Variants in ZNF862 observed in about 807,000 individuals in gnomAD.
ZNF862 encodes zinc finger protein 862.
Under a neutral mutation model 91.1 loss-of-function variants are expected in ZNF862, and 64 were observed. That is an observed-to-expected ratio of 0.70 (90% CI 0.57 to 0.87). ZNF862 has a LOEUF of 0.87. Ranked by LOEUF, ZNF862 falls within the 40% of genes least tolerant of loss-of-function variation. The pLI, the probability that ZNF862 is intolerant of heterozygous loss-of-function variation, is 0.00. For synonymous variants in ZNF862, 631 were observed against 618.1 expected (o/e 1.02, Z -0.31); for missense variants, 1,459 against 1,528.0 (o/e 0.95, Z 0.75).
intron 7 of ZNF862, among the ~76,000 whole-genome samples, chr7:149,863,139 G>T (rs1228582199): frequency 6.6e-6 from 1 of 152,094 alleles, no homozygotes; most frequent in Non-Finnish European, 1.5e-5. Context: ...TTGCTTGAGG[G>T]GGAAGCTGTA....
At chr7:149,860,128 G>C in intron 6 of ZNF862, 1 of 523,550 alleles carries the variant, frequency 1.9e-6, no homozygotes, top group East Asian at 3.2e-5. Flanking sequence ...CAGGGTAGCT[G>C]TGTGGATAGG....
chr7:149,841,811 C>G, intron 1 of ZNF862: 1 of 950,036 alleles, frequency 1.1e-6, no homozygotes, highest in Non-Finnish European at 1.3e-6. Context: ...GAACATGGTT[C>G]TATTATTGCA....
At position 149,854,756 on chromosome 7, in the gene ZNF862, C is replaced by T. The variant is rs1802198418; in HGVS notation, c.1117+4418C>T. On this transcript the variant is annotated intron_variant, in intron 5 of 7. Coordinates refer to ENST00000223210, the MANE Select transcript of ZNF862 (RefSeq NM_001099220.3). ...GGGAGCACTTTCAGCCCAGGAGCTG[C>T]TCTCAGGTGCTTCCCTGTGGCCCCC... 2.0e-5 allele frequency among the ~76,000 whole-genome samples: 3 copies of T among 152,252 alleles called. No individual in the cohort carries two copies. The South Asian group carries it at 6.2e-4, about 32-fold the overall frequency.
chr7:149,846,752 TG>T (rs1801887884), intron 3 of ZNF862, among the ~76,000 whole-genome samples: 1 of 152,224 alleles, frequency 6.6e-6, no homozygotes, highest in South Asian at 2.1e-4. Flanking sequence ...CAGCCCCTAC[TG>T]TGGGAGAAGA....
Position 149,838,642 on chromosome 7 carries a change from C to CTG in ZNF862, c.24+8_24+9dup. On this transcript the variant is annotated splice_region_variant and intron_variant, in intron 1 of 7. Coordinates refer to ENST00000223210, the MANE Select transcript of ZNF862 (RefSeq NM_001099220.3). ...GCCCAGAGAGTCGGGGAAGGTAGGA[C>CTG]TGGAAGGCCCGGGGGCCGCCCGCTC... The CTG allele has an allele frequency of 1.6e-6, 2 of 1,225,842 alleles. No individual in the cohort carries two copies. Among genetic ancestry groups the CTG allele is most frequent in the East Asian group, 6.3e-5 (2 of 31,602 alleles). 75.9% of individuals were successfully genotyped at this position (1,225,842 alleles called of 1,614,324 possible).
At position 149,848,090 on chromosome 7, in the gene ZNF862, C is replaced by T; in HGVS notation, c.597C>T (p.His199=). 2.5e-6 allele frequency: 4 copies of T among 1,614,090 alleles called. No homozygotes were observed. The highest frequency in any genetic ancestry group is 3.4e-6 in the Non-Finnish European group (4 of 1,179,910). Residue 199 remains histidine (H), a synonymous_variant, in exon 4 of 8, where the codon CAC becomes CAT. Transcript: ENST00000223210. ...AATACCACGCGAAGAGCAAGGCCCACATGTTCTGTGTCAATGCCTTGGCAG... is the reference window on the plus strand; with the variant it reads ...AATACCACGCGAAGAGCAAGGCCCATATGTTCTGTGTCAATGCCTTGGCAG... ...TLKYHAKSKA[H]MFCVNALAAR...
intron 7 of ZNF862, among the ~76,000 whole-genome samples, chr7:149,863,696 C>A (rs2240363): frequency 0.49 from 74,930 of 152,014 alleles, 19,473 homozygotes; most frequent in Middle Eastern, 0.6. Context: ...CTACGCACCG[C>A]TGCCTCCTTC....
chr7:149,841,336 C>T lies in ZNF862; in HGVS notation c.24+2701C>T. The T allele has an allele frequency of 1.7e-5, 17 of 985,396 alleles. 1 individual carries two copies. Among genetic ancestry groups the T allele is most frequent in the African/African-American group, 3.5e-5 (2 of 57,356 alleles). The allele number at this position is 985,396 out of a possible 1,614,324, so 61.0% of individuals were successfully genotyped here. On this transcript the variant is annotated intron_variant, in intron 1 of 7. Transcript: ENST00000223210. ...CTTGGGCCATTGGATTGATATCCCA[C>T]ATTGAATGTAGGACATCTTGCCTGT...
intron 1 of ZNF862, among the ~76,000 whole-genome samples, chr7:149,840,228 T>TACAAAACC (rs1801658433): frequency 1.1e-5 from 1 of 87,794 alleles, no homozygotes; most frequent in Non-Finnish European, 2.5e-5. Flanking sequence ...AATTTAAAAA[T>TACAAAACC]ACAAAACCTC....
rs372172889 is a variant in ZNF862 at position 149,862,501 on chromosome 7, A to G, written c.3334+7A>G. The G allele has an allele frequency of 2.4e-5, 38 of 1,573,098 alleles. No individual in the cohort carries two copies. Among genetic ancestry groups the G allele is most frequent in the Non-Finnish European group, 3.3e-5 (38 of 1,157,080 alleles). On this transcript the variant is annotated splice_region_variant and intron_variant, in intron 7 of 7. Coordinates refer to ENST00000223210, the MANE Select transcript of ZNF862 (RefSeq NM_001099220.3). The stretch of plus-strand genomic sequence containing the variant: ...CCAGCCCGCTCCCCTGCAAGTAAGT[A>G]CACGTGGCAGAGCTCCCCCAAGGCA...
intron 1 of ZNF862, chr7:149,841,422 T>C (rs1479408353): frequency 1.0e-6 from 1 of 983,306 alleles, no homozygotes; most frequent in Non-Finnish European, 1.2e-6. Context: ...CCCATGATCC[T>C]GTTTTATTTT....
chr7:149,847,634 C>A, intron 3 of ZNF862, 101 bp from the exon 4 acceptor site: 233 of 615,890 alleles, frequency 3.8e-4, no homozygotes, highest in Non-Finnish European at 5.6e-4. Flanking sequence ...TGTGTGTGTG[C>A]TTTCCGTCTT....
At chr7:149,841,016 A>G in intron 1 of ZNF862, 3 of 985,414 alleles carry the variant, frequency 3.0e-6, no homozygotes, top group Non-Finnish European at 3.6e-6. Context: ...CTTGATTATA[A>G]TCTTGATTTT....
At chr7:149,859,324 G>C (rs1802370733) in intron 5 of ZNF862, 98 bp from the exon 6 acceptor site, 1 of 1,108,662 alleles carries the variant, frequency 9.0e-7, no homozygotes, top group South Asian at 1.3e-5. Flanking sequence ...AGAACCCAGA[G>C]ACACCTCTGT....
At chr7:149,846,087 C>G in intron 2 of ZNF862, 64 bp from the exon 3 acceptor site, 3 of 1,225,786 alleles carry the variant, frequency 2.4e-6, no homozygotes, top group Non-Finnish European at 3.5e-6. Context: ...GTGTTGTGAC[C>G]CGGAGCCAGG....
chr7:149,850,374 C>G lies in ZNF862; in HGVS notation c.1117+36C>G, dbSNP rs75158357. On this transcript the variant is annotated intron_variant, in intron 5 of 7. Transcript: ENST00000223210. The surrounding 1 kb of genome is among the most constrained non-coding windows in gnomAD (Gnocchi z 4.2). ...ACCGAGCCTCTTATTCACCACCCTCCTTTGACTTGGGAAGCCCACAAGGGG... is the reference window on the plus strand; with the variant it reads ...ACCGAGCCTCTTATTCACCACCCTCGTTTGACTTGGGAAGCCCACAAGGGG... 3 of 1,579,790 alleles carry G rather than the reference C, an allele frequency of 1.9e-6. No homozygotes were observed. Among genetic ancestry groups the G allele is most frequent in the South Asian group, 1.2e-5 (1 of 86,154 alleles).
chr7:149,848,310 G>A lies in ZNF862; in HGVS notation c.817G>A (p.Ala273Thr), dbSNP rs1189141916. 3 of 1,606,976 alleles carry A rather than the reference G, an allele frequency of 1.9e-6. No individual in the cohort carries two copies. The highest frequency in any genetic ancestry group is 2.6e-6 in the Non-Finnish European group (3 of 1,176,448). ...AELEDPGGDG[A>T]IPAMYLDCIS... The stretch of plus-strand genomic sequence containing the variant: ...ACTAGAGGACCCTGGGGGGGATGGA[G>A]CAATTCCTGCAATGTATCTAGACTG... The change falls in exon 4 of 8, where the codon GCA (alanine) becomes ACA (threonine). Residue 273 changes from alanine to threonine, a missense_variant. Transcript: ENST00000223210.
chr7:149,857,945 G>A (rs916303979), intron 5 of ZNF862, among the ~76,000 whole-genome samples: 1 of 152,140 alleles, frequency 6.6e-6, no homozygotes, highest in Non-Finnish European at 1.5e-5. Context: ...TTCTGTGTAC[G>A]TGGTATATGG....
At chr7:149,854,142 G>A (rs984625678) in intron 5 of ZNF862, among the ~76,000 whole-genome samples, 7 of 152,176 alleles carry the variant, frequency 4.6e-5, no homozygotes, top group East Asian at 1.9e-4. Context: ...ACCGCTGAGC[G>A]TGTCAGCTCT....
Sources: allele counts gnomAD v4.1 joint callset (sites outside exome capture counted in the v4.1 genomes callset), GRCh38; gene constraint gnomAD v4.1.1; non-coding constraint Gnocchi (gnomAD v3.1); transcripts MANE v1.5; gene names NCBI Gene and HGNC (gene_info 2026-07-23, HGNC 2026-07-21).